The following KCNIP1 variants were observed in gnomAD, a reference collection of about 807,000 sequenced individuals.
KCNIP1 encodes the protein potassium voltage-gated channel interacting protein 1.
Under a neutral mutation model 33.0 loss-of-function variants are expected in KCNIP1, and 18 were observed. That is an observed-to-expected ratio of 0.55 (90% CI 0.38 to 0.81). KCNIP1 has a LOEUF of 0.81. Ranked by LOEUF, KCNIP1 falls within the 30% of genes least tolerant of loss-of-function variation. The pLI is 0.00. For synonymous variants in KCNIP1, 93 were observed against 98.3 expected (o/e 0.95, Z 0.32); for missense variants, 238 against 271.6 (o/e 0.88, Z 0.87).
chr5:170,434,945 AC>A (rs1328949973), intron 1 of KCNIP1, among the ~76,000 whole-genome samples: 4 of 152,072 alleles, frequency 2.6e-5, no homozygotes, highest in Admixed American at 6.5e-5. Context: ...ACAGAGCGAG[AC>A]TCCATCTCAA....
intron 1 of KCNIP1, among the ~76,000 whole-genome samples, chr5:170,523,478 C>T (rs1322608137): frequency 6.6e-6 from 1 of 152,172 alleles, no homozygotes; most frequent in Non-Finnish European, 1.5e-5. Context: ...TTCTCAGAGT[C>T]GACTTTGAAA....
chr5:170,381,939 G>A (rs1011505123), intron 1 of KCNIP1, among the ~76,000 whole-genome samples: 1 of 152,126 alleles, frequency 6.6e-6, no homozygotes, highest in Admixed American at 6.5e-5. Flanking sequence ...TCATACTAGC[G>A]ATGACAGAAC....
chr5:170,507,408 G>T (rs2339091), intron 1 of KCNIP1, among the ~76,000 whole-genome samples: 30,950 of 152,192 alleles, frequency 0.2, 3,509 homozygotes, highest in East Asian at 0.4. Flanking sequence ...CAGCAAATTT[G>T]AGGTACTATT....
intron 1 of KCNIP1, among the ~76,000 whole-genome samples, chr5:170,465,363 G>T (rs146371440): frequency 2.6e-5 from 4 of 152,190 alleles, no homozygotes; most frequent in African/African-American, 7.2e-5. Context: ...TCCTTCCCTT[G>T]CTTCCCTCTC....
intron 1 of KCNIP1, among the ~76,000 whole-genome samples, chr5:170,538,482 C>G (rs138694401): frequency 6.6e-6 from 1 of 152,056 alleles, no homozygotes; most frequent in South Asian, 2.1e-4. Flanking sequence ...TCACACCAGG[C>G]TTGTGGCCTT....
chr5:170,497,457 A>G, intron 1 of KCNIP1, among the ~76,000 whole-genome samples: 1 of 152,188 alleles, frequency 6.6e-6, no homozygotes, highest in Non-Finnish European at 1.5e-5. Flanking sequence ...TTCTTCACCA[A>G]CTGTCCAAGG....
chr5:170,567,896 C>G (rs1757256285), intron 1 of KCNIP1, among the ~76,000 whole-genome samples: 2 of 152,334 alleles, frequency 1.3e-5, no homozygotes, highest in Admixed American at 6.5e-5. Context: ...CATTAAAGAG[C>G]TGCCCTGGGC....
intron 1 of KCNIP1, among the ~76,000 whole-genome samples, chr5:170,372,729 G>C (rs1357553679): frequency 6.6e-6 from 1 of 152,218 alleles, no homozygotes; most frequent in Non-Finnish European, 1.5e-5. Flanking sequence ...GAGAACAAGT[G>C]TTTGTATTTG....
intron 1 of KCNIP1, among the ~76,000 whole-genome samples, chr5:170,604,114 G>T (rs1374677321): frequency 1.3e-5 from 2 of 152,172 alleles, no homozygotes; most frequent in Admixed American, 6.5e-5. Flanking sequence ...GGGAACCAGG[G>T]AAGAGGAGGG....
At chr5:170,657,880 T>A (rs1359235321) in intron 1 of KCNIP1, among the ~76,000 whole-genome samples, 1 of 152,108 alleles carries the variant, frequency 6.6e-6, no homozygotes, top group Admixed American at 6.5e-5. Flanking sequence ...CCAGGCATGT[T>A]GAGAAATGAA....
chr5:170,449,221 C>T lies in KCNIP1; in HGVS notation c.88+95257C>T, dbSNP rs144900534. Among the ~76,000 whole-genome samples, 33 of 152,324 alleles carry T rather than the reference C, an allele frequency of 2.2e-4. No homozygotes were observed. In the East Asian group the frequency reaches 5.2e-3, roughly 24 times the overall value. On this transcript the variant is annotated intron_variant, in intron 1 of 7. Transcript: ENST00000377360. The stretch of plus-strand genomic sequence containing the variant: ...TACACTCAAACTTCTAGGGCAAAAC[C>T]AGCAAGCCCCGTACTGGACACTTCA...
At chr5:170,430,899 T>C (rs1755725518) in intron 1 of KCNIP1, among the ~76,000 whole-genome samples, 1 of 152,208 alleles carries the variant, frequency 6.6e-6, no homozygotes, top group Admixed American at 6.5e-5. Flanking sequence ...CCAGCCTGCC[T>C]CCTGGATCCC....
intron 1 of KCNIP1, among the ~76,000 whole-genome samples, chr5:170,456,701 T>TCTCTCTCTCTTTCTTTCTTTCTTTCTTTC (rs1756385710): frequency 7.4e-6 from 1 of 135,680 alleles, no homozygotes; most frequent in African/African-American, 3.0e-5. Context: ...CTCTCTCTCT[T>TCTCTCTCTCTTTCTTTCTTTCTTTCTTTC]TTTCTTTCTT....
chr5:170,377,737 T>C lies in KCNIP1; in HGVS notation c.88+23773T>C, dbSNP rs184122632. The C allele has an allele frequency of 4.1e-3, 624 of 152,294 alleles. 3 individuals are homozygous for C. The highest frequency in any genetic ancestry group is 0.014 in the African/African-American group (582 of 41,520). The allele number at this position is 152,294 out of a possible 1,614,324, so 9.4% of individuals were successfully genotyped here. On this transcript the variant is annotated intron_variant, in intron 1 of 7. Transcript: ENST00000377360. ...ACAGGTGCCCACCACCACGCCTGGC[T>C]AATTTTTTGTATTTTTAGTAGAGAC... is the stretch of plus-strand genomic sequence containing the variant.
intron 1 of KCNIP1, among the ~76,000 whole-genome samples, chr5:170,438,410 G>A (rs570990220): frequency 1.3e-5 from 2 of 152,322 alleles, no homozygotes; most frequent in East Asian, 1.9e-4. Flanking sequence ...CCTAGGCTGA[G>A]GAGCTGGCCC....
intron 1 of KCNIP1, among the ~76,000 whole-genome samples, chr5:170,668,085 T>C (rs1463675901): frequency 1.3e-5 from 2 of 152,178 alleles, no homozygotes; most frequent in African/African-American, 4.8e-5. Flanking sequence ...AGGTAATAGA[T>C]GTGGGGCTGC....
rs375559735 is a variant in KCNIP1, at chr5:170,371,879, C to A, written c.88+17915C>A. 1.3e-4 allele frequency among the ~76,000 whole-genome samples: 20 copies of A among 151,906 alleles called. No individual in the cohort carries two copies. The South Asian group carries it at 4.2e-3, about 32-fold the overall frequency. On this transcript the variant is annotated intron_variant, in intron 1 of 7. Transcript: ENST00000377360. The stretch of plus-strand genomic sequence containing the variant: ...TGTAGAAAGAGTGTGACTGTGTTCT[C>A]CCCGACAATACTTCTGACACCACGT...
At chr5:170,509,866 C>T (rs999414609) in intron 1 of KCNIP1, among the ~76,000 whole-genome samples, 15 of 152,200 alleles carry the variant, frequency 9.9e-5, no homozygotes, top group African/African-American at 3.6e-4. Flanking sequence ...TCTAAGTTTT[C>T]ACTCTTTTGC....
intron 1 of KCNIP1, among the ~76,000 whole-genome samples, chr5:170,406,674 C>T (rs1755046526): frequency 6.6e-6 from 1 of 152,216 alleles, no homozygotes; most frequent in Non-Finnish European, 1.5e-5. Context: ...ATCAGCATCC[C>T]TCTCTTCTTC....
Sources: gnomAD v4.1 joint callset for allele counts (sites outside exome capture counted in the v4.1 genomes callset) on GRCh38, gnomAD v4.1.1 for gene constraint, MANE v1.5 for transcripts, NCBI Gene and HGNC (gene_info 2026-07-23, HGNC 2026-07-21) for gene names.